Variants in TEX264 observed in about 807,000 individuals in gnomAD.
The protein encoded by TEX264 is testis-expressed protein 264.
Under a neutral mutation model 23.4 loss-of-function variants are expected in TEX264, and 13 were observed. That is an observed-to-expected ratio of 0.56 (90% CI 0.36 to 0.88). TEX264 has a LOEUF of 0.88. Among genes scored for constraint, TEX264 ranks in the 40% least tolerant of loss-of-function variants. The pLI, the probability that TEX264 is intolerant of heterozygous loss-of-function variation, is 0.01. For missense variants in TEX264, 340 were observed against 406.8 expected, an observed-to-expected ratio of 0.84 and a Z score of 1.41; for synonymous variants, 159 against 170.0, an observed-to-expected ratio of 0.94 and a Z score of 0.50.
Position 51,703,690 on chromosome 3 carries a change from C to G in TEX264, c.650-34C>G. Reference sequence around the variant, plus strand: ...CCCTGGAGGAGGGGGTGGGGTGGTCCTAGCTAACCTGTGCTCCCTTTTCCT... The same window carrying G: ...CCCTGGAGGAGGGGGTGGGGTGGTCGTAGCTAACCTGTGCTCCCTTTTCCT... On this transcript the variant is annotated intron_variant, in intron 4 of 4. Coordinates refer to ENST00000341333, the MANE Select transcript of TEX264 (RefSeq NM_015926.6). The surrounding 1 kb of genome is among the most constrained non-coding windows in gnomAD (Gnocchi z 4.8). 1 of 1,543,436 alleles carries G rather than the reference C, an allele frequency of 6.5e-7. No individual in the cohort carries two copies. Among genetic ancestry groups the G allele is most frequent in the Non-Finnish European group, 8.8e-7 (1 of 1,138,270 alleles).
At chr3:51,678,416 C>G (rs1702306530) in intron 2 of TEX264, among the ~76,000 whole-genome samples, 1 of 152,234 alleles carries the variant, frequency 6.6e-6, no homozygotes, top group East Asian at 1.9e-4. Flanking sequence ...GCCACCATCA[C>G]CTCTGCTGCT....
chr3:51,684,700 A>G, intron 3 of TEX264, 66 bp downstream of exon 3: 1 of 1,524,638 alleles, frequency 6.6e-7, no homozygotes, highest in East Asian at 2.3e-5. Context: ...GCTGAGGAGG[A>G]CTGCCTAGAA....
intron 3 of TEX264, among the ~76,000 whole-genome samples, chr3:51,697,311 C>G (rs1703100662): frequency 6.6e-6 from 1 of 152,200 alleles, no homozygotes; most frequent in Non-Finnish European, 1.5e-5. Flanking sequence ...AGTACTCCCT[C>G]TTATTATCTT....
intron 3 of TEX264, among the ~76,000 whole-genome samples, chr3:51,698,054 G>A (rs59064710): frequency 0.034 from 5,158 of 152,240 alleles, 278 homozygotes; most frequent in African/African-American, 0.11. Context: ...CTGAGCCACA[G>A]CCAGACCTGG....
intron 3 of TEX264, among the ~76,000 whole-genome samples, chr3:51,693,006 G>C (rs1403222080): frequency 6.6e-6 from 1 of 152,232 alleles, no homozygotes; most frequent in African/African-American, 2.4e-5. Context: ...AGGATTAGGG[G>C]CCTCCCAGTC....
chr3:51,680,236 C>T (rs970096564), intron 2 of TEX264, among the ~76,000 whole-genome samples: 2 of 152,208 alleles, frequency 1.3e-5, no homozygotes, highest in Admixed American at 6.5e-5. Flanking sequence ...CCAATGACTA[C>T]ATTTGGTCTG....
rs1161252530 is a variant in TEX264, at chr3:51,691,938, C to T, written c.480+7304C>T. 6.6e-6 allele frequency among the ~76,000 whole-genome samples: 1 copy of T among 152,220 alleles called. No homozygotes were observed. Among genetic ancestry groups the T allele is most frequent in the Non-Finnish European group, 1.5e-5 (1 of 68,032 alleles). On this transcript the variant is annotated intron_variant, in intron 3 of 4. Transcript: ENST00000341333. The surrounding 1 kb of genome is among the most constrained non-coding windows in gnomAD (Gnocchi z 4.4). ...TCCCCGGCTCCCCTTAGGGAGCTAC[C>T]CTTGGGTATTGAGGTGTTGGGAGCC...
intron 2 of TEX264, among the ~76,000 whole-genome samples, chr3:51,680,680 T>TG: frequency 6.6e-6 from 1 of 152,174 alleles, no homozygotes; most frequent in Non-Finnish European, 1.5e-5. Flanking sequence ...GTCCAATTCT[T>TG]GTTCTGGGCA....
chr3:51,677,268 T>G (rs1235565739), intron 2 of TEX264, among the ~76,000 whole-genome samples: 1 of 152,138 alleles, frequency 6.6e-6, no homozygotes, highest in African/African-American at 2.4e-5. Context: ...TAGGGTACCA[T>G]GGGGACCAGG....
intron 2 of TEX264, among the ~76,000 whole-genome samples, chr3:51,679,762 G>C (rs1332571627): frequency 1.3e-5 from 2 of 152,172 alleles, no homozygotes; most frequent in Non-Finnish European, 2.9e-5. Flanking sequence ...TATAGAGGAA[G>C]GTTCCTGAAA....
intron 2 of TEX264, among the ~76,000 whole-genome samples, chr3:51,680,652 T>G (rs551187944): frequency 2.3e-4 from 35 of 152,354 alleles, no homozygotes; most frequent in African/African-American, 7.9e-4. Context: ...ATGTGGTTCC[T>G]TGTAGGTACT....
intron 3 of TEX264, among the ~76,000 whole-genome samples, chr3:51,687,284 T>C (rs1297611715): frequency 6.6e-6 from 1 of 152,188 alleles, no homozygotes; most frequent in African/African-American, 2.4e-5. Flanking sequence ...CCCCTGTGTT[T>C]AGCCTGACCT....
chr3:51,696,657 G>A (rs1703071025), intron 3 of TEX264, among the ~76,000 whole-genome samples: 1 of 152,184 alleles, frequency 6.6e-6, no homozygotes, highest in Non-Finnish European at 1.5e-5. Context: ...GAGCATGCAA[G>A]GGAGAGCAGT....
Position 51,674,475 on chromosome 3 carries a change from T to G in TEX264, c.171T>G (p.Tyr57Ter), listed in dbSNP as rs1702164336. ...CCTACAAGTTCCACATGGGGCTCTATGGTGAGACTGGGCGGCTTTTCACTG... is the reference window on the plus strand; with the variant it reads ...CCTACAAGTTCCACATGGGGCTCTAGGGTGAGACTGGGCGGCTTTTCACTG... The part of the protein sequence containing the change: ...TVAYKFHMGL[Y>*]GETGRLFTES... Residue 57 changes from tyrosine to a stop codon, truncating the protein, a stop_gained, in exon 2 of 5, where the codon TAT becomes TAG. Transcript: ENST00000341333. LOFTEE classifies it high-confidence loss of function. 6.2e-7 allele frequency: 1 copy of G among 1,614,200 alleles called. No individual in the cohort carries two copies. Among genetic ancestry groups the G allele is most frequent in the Non-Finnish European group, 8.5e-7 (1 of 1,180,040 alleles).
chr3:51,677,735 C>T (rs1702278913), intron 2 of TEX264, among the ~76,000 whole-genome samples: 1 of 152,206 alleles, frequency 6.6e-6, no homozygotes, highest in African/African-American at 2.4e-5. Flanking sequence ...TAAGATTGGA[C>T]AGTGGCAGTT....
chr3:51,688,160 A>G (rs192762151), intron 3 of TEX264, among the ~76,000 whole-genome samples: 4 of 152,334 alleles, frequency 2.6e-5, no homozygotes, highest in Non-Finnish European at 5.9e-5. Flanking sequence ...CCTCTAGTAC[A>G]GGAGGAGACC....
intron 4 of TEX264, among the ~76,000 whole-genome samples, chr3:51,700,792 C>G (rs555454037): frequency 6.6e-6 from 1 of 152,240 alleles, no homozygotes; most frequent in East Asian, 1.9e-4. Context: ...TCCCCAGCTC[C>G]TCAGCCTGTT....
intron 4 of TEX264, among the ~76,000 whole-genome samples, chr3:51,700,912 C>T (rs73834276): frequency 0.015 from 2,214 of 152,288 alleles, 56 homozygotes; most frequent in African/African-American, 0.05. Context: ...GTTTGCCCAC[C>T]AGGTGCATGC....
intron 2 of TEX264, among the ~76,000 whole-genome samples, chr3:51,677,195 G>A (rs1196923238): frequency 6.6e-6 from 1 of 152,244 alleles, no homozygotes; most frequent in Non-Finnish European, 1.5e-5. Context: ...GATCTCATAT[G>A]TTTTTGTTTT....
Sources: gnomAD v4.1 joint callset for allele counts (sites outside exome capture counted in the v4.1 genomes callset) on GRCh38, gnomAD v4.1.1 for gene constraint, Gnocchi (gnomAD v3.1) non-coding constraint, MANE v1.5 for transcripts, NCBI Gene and HGNC (gene_info 2026-07-23, HGNC 2026-07-21) for gene names.